Variants in CHAF1A observed in about 807,000 individuals in gnomAD.
CHAF1A encodes CAF-1 subunit A.
In CHAF1A, 5 loss-of-function variants were observed where a neutral mutation model predicts 93.2. The observed-to-expected ratio is 0.05, with a 90% CI of 0.03 to 0.11. The LOEUF (loss-of-function observed/expected upper bound fraction) is 0.11. CHAF1A is among the 10% of genes least tolerant of loss of function. The pLI, the probability that CHAF1A is intolerant of heterozygous loss-of-function variation, is 1.00. For synonymous variants in CHAF1A, 504 were observed against 510.3 expected (o/e 0.99, Z 0.17); for missense variants, 1,102 against 1,259.9 (o/e 0.87, Z 1.90).
At chr19:4,447,028 C>A (rs929245459), downstream of CHAF1A, 6 of 1,136,078 alleles carry the variant, frequency 5.3e-6, no homozygotes, top group Non-Finnish European at 6.4e-6. Flanking sequence ...CAGCTGTCGA[C>A]CCCTGGATGG....
rs750730583 is a variant in CHAF1A at position 4,429,587 on chromosome 19, A to T, written c.1754A>T (p.Asp585Val). The T allele has an allele frequency of 1.9e-6, 3 of 1,613,768 alleles. No individual in the cohort carries two copies. Among genetic ancestry groups the T allele is most frequent in the South Asian group, 1.1e-5 (1 of 91,060 alleles). ...NKKTALIRAR[D>V]PWAQDTKLLD... The stretch of plus-strand genomic sequence containing the variant: ...AAGACGGCACTCATCCGCGCGCGAG[A>T]CCCCTGGGCCCAGGACACGGTGAGC... The change falls in exon 9 of 15, where the codon GAC becomes GTC. Residue 585 changes from aspartate (D) to valine (V), a missense_variant. Asp to Val is a radical substitution (Grantham distance 152, BLOSUM62 -3). This residue lies in a region of CHAF1A where 335 missense variants were observed against 361.9 expected (regional missense o/e 0.93). Transcript: ENST00000301280.
downstream of CHAF1A, among the ~76,000 whole-genome samples, chr19:4,443,686 G>A (rs535064602): frequency 1.5e-3 from 231 of 152,290 alleles, 2 homozygotes; most frequent in African/African-American, 5.2e-3. Context: ...CGGAGCTGCT[G>A]GGAGCCGAGT....
rs561254732 is a variant in CHAF1A at position 4,419,586 on chromosome 19, C to T, written c.1017+1510C>T. 2.6e-3 allele frequency among the ~76,000 whole-genome samples: 397 copies of T among 152,066 alleles called. 2 individuals carry two copies. The highest frequency in any genetic ancestry group is 9.2e-3 in the African/African-American group (381 of 41,452). Reference sequence around the variant, plus strand: ...CTGGGATTATAGGCACGAGCCACCACGCCTGGATAATTTTTTGTATTTTTA... The same window carrying T: ...CTGGGATTATAGGCACGAGCCACCATGCCTGGATAATTTTTTGTATTTTTA... On this transcript the variant is annotated intron_variant, in intron 4 of 14. Coordinates refer to ENST00000301280, the MANE Select transcript of CHAF1A (RefSeq NM_005483.3).
chr19:4,431,260 C>G (rs1402737232), intron 11 of CHAF1A: 1 of 153,338 alleles, frequency 6.5e-6, no homozygotes, highest in Non-Finnish European at 1.5e-5. Context: ...TCCCAAGTAG[C>G]TGGGACTACA....
rs1568435516 is a variant in CHAF1A at position 4,422,705 on chromosome 19, GGCGGGAGAA to G, written c.1168_1176del (p.Arg390_Lys392del). Reference sequence around the variant, plus strand: ...GAGAAGGAGCTTAAGGAAAAGGAGAGGCGGGAGAAGCGGGAGAAGGATGAGAAGGAGAAG... The same window carrying G: ...GAGAAGGAGCTTAAGGAAAAGGAGAGGCGGGAGAAGGATGAGAAGGAGAAG... On this transcript the variant is annotated inframe_deletion, in exon 5 of 15. Coordinates refer to ENST00000301280, the MANE Select transcript of CHAF1A (RefSeq NM_005483.3). This position sits in a 1 kb window ranked among gnomAD's most constrained non-coding sequence, Gnocchi z 4.6. 3 of 1,607,894 alleles carry G rather than the reference GGCGGGAGAA, an allele frequency of 1.9e-6. No homozygotes were observed. The highest frequency in any genetic ancestry group is 1.3e-5 in the African/African-American group (1 of 74,994).
At chr19:4,430,014 TC>T (rs1974152623) in intron 10 of CHAF1A, 1 of 518,954 alleles carries the variant, frequency 1.9e-6, no homozygotes, top group Admixed American at 3.5e-5. Context: ...GGGGATGGGA[TC>T]CCGTCCGCAT....
chr19:4,449,343 C>G (rs1974607670), downstream of CHAF1A: 1 of 153,078 alleles, frequency 6.5e-6, no homozygotes, highest in South Asian at 2.1e-4. Flanking sequence ...ACCCACCACC[C>G]CCCACCCTCA....
chr19:4,448,234 G>T, downstream of CHAF1A: 8 of 1,257,374 alleles, frequency 6.4e-6, no homozygotes, highest in Non-Finnish European at 8.9e-6. Context: ...GTAATGAGGG[G>T]GCCAGAGGGG....
At position 4,431,900 on chromosome 19, in the gene CHAF1A, G is replaced by C. The variant is rs148990773; in HGVS notation, c.1948-52G>C. 2.6e-6 allele frequency: 4 copies of C among 1,551,402 alleles called. No individual in the cohort carries two copies. In the East Asian group the frequency reaches 9.0e-5, roughly 35 times the overall value. On this transcript the variant is annotated intron_variant, in intron 11 of 14. Coordinates refer to ENST00000301280, the MANE Select transcript of CHAF1A (RefSeq NM_005483.3). ...GGACTGGTTCCTCAAAAGAGTGCCC[G>C]GGCATAGGGGAGCAAGAACCCCAAA...
Position 4,409,117 on chromosome 19 carries a change from C to A in CHAF1A, c.318C>A (p.Ile106=). The change falls in exon 3 of 15, where the codon ATC becomes ATA. Residue 106 remains isoleucine, a synonymous_variant. Coordinates refer to ENST00000301280, the MANE Select transcript of CHAF1A (RefSeq NM_005483.3). ...GPLDNFLRNR[I]ETSIGQSTVI... ...TAGATAACTTTTTAAGAAATAGAAT[C>A]GAAACCAGTATTGGCCAGAGCACAG... 1 of 1,614,134 alleles carries A rather than the reference C, an allele frequency of 6.2e-7. No individual in the cohort carries two copies. Among genetic ancestry groups the A allele is most frequent in the Non-Finnish European group, 8.5e-7 (1 of 1,180,026 alleles).
chr19:4,443,351 C>A lies in CHAF1A; in HGVS notation c.*326C>A, dbSNP rs955746237. On this transcript the variant is annotated 3_prime_UTR_variant, in exon 15 of 15. Transcript: ENST00000301280. ...CCACCCGCCTGGCCACGTGCGCGGG[C>A]CCCTGGACCTAACGAGGCAGTGTAT... 3.0e-5 allele frequency: 10 copies of A among 336,940 alleles called. No individual in the cohort carries two copies. Among genetic ancestry groups the A allele is most frequent in the Non-Finnish European group, 5.1e-5 (9 of 176,900 alleles). 20.9% of individuals were successfully genotyped at this position (336,940 alleles called of 1,614,324 possible).
At chr19:4,447,683 T>C, downstream of CHAF1A, 1 of 1,559,250 alleles carries the variant, frequency 6.4e-7, no homozygotes, top group Non-Finnish European at 8.8e-7. Flanking sequence ...CCGGCCCCTC[T>C]GTGCCTCCTG....
intron 13 of CHAF1A, among the ~76,000 whole-genome samples, chr19:4,436,233 G>A (rs1974281684): frequency 6.6e-6 from 1 of 152,182 alleles, no homozygotes; most frequent in South Asian, 2.1e-4. Flanking sequence ...CCTGCTGCCA[G>A]CACACAGCCA....
At position 4,436,211 on chromosome 19, in the gene CHAF1A, C is replaced by T. The variant is rs540480627; in HGVS notation, c.2673+2672C>T. 4.6e-5 allele frequency among the ~76,000 whole-genome samples: 7 copies of T among 152,244 alleles called. No individual in the cohort carries two copies. The South Asian group carries it at 1.2e-3, about 27-fold the overall frequency. ...GAGAGAAATGGCTCCTGAGATGATG[C>T]TCAGCCATCTCCCTGCTGCCAGCAC... On this transcript the variant is annotated intron_variant, in intron 13 of 14. Coordinates refer to ENST00000301280, the MANE Select transcript of CHAF1A (RefSeq NM_005483.3).
At chr19:4,446,209 G>A (rs758150645), downstream of CHAF1A, 60 of 1,594,460 alleles carry the variant, frequency 3.8e-5, no homozygotes, top group Non-Finnish European at 5.0e-5. Context: ...TGGGGAGTGG[G>A]GGAGTCAGAG....
At chr19:4,411,889 TC>T (rs1175894102) in intron 3 of CHAF1A, among the ~76,000 whole-genome samples, 1 of 152,008 alleles carries the variant, frequency 6.6e-6, no homozygotes, top group Non-Finnish European at 1.5e-5. Context: ...CCTCAGGTGA[TC>T]CGCTTGCCTC....
At chr19:4,417,121 A>G (rs1286625233) in intron 3 of CHAF1A, among the ~76,000 whole-genome samples, 1 of 152,066 alleles carries the variant, frequency 6.6e-6, no homozygotes, top group Non-Finnish European at 1.5e-5. Context: ...ACAGATGTGC[A>G]CCACAACACC....
intron 3 of CHAF1A, among the ~76,000 whole-genome samples, chr19:4,416,524 G>T (rs1973899509): frequency 6.6e-6 from 1 of 152,112 alleles, no homozygotes; most frequent in African/African-American, 2.4e-5. Context: ...AAAATATTGT[G>T]CCCTAGAAGG....
At chr19:4,446,855 C>CA (rs759710735), downstream of CHAF1A, 1 of 1,614,068 alleles carries the variant, frequency 6.2e-7, no homozygotes, top group East Asian at 2.2e-5. Flanking sequence ...GGGCGGGAAG[C>CA]AACACCTTCT....
Sources: gnomAD v4.1 joint callset for allele counts (sites outside exome capture counted in the v4.1 genomes callset) on GRCh38, gnomAD v4.1.1 for gene constraint, gnomAD v4.1.1 regional missense constraint, Gnocchi (gnomAD v3.1) non-coding constraint, MANE v1.5 for transcripts, NCBI Gene and HGNC (gene_info 2026-07-23, HGNC 2026-07-21) for gene names.